SLC39A9: variants seen among roughly 807,000 people sequenced by gnomAD.
The protein encoded by SLC39A9 is solute carrier family 39 member 9, also known as zinc transporter ZIP9.
In SLC39A9, 14 loss-of-function variants were observed where a neutral mutation model predicts 28.4. That is an observed-to-expected ratio of 0.49 (90% confidence interval 0.33 to 0.77). The LOEUF is 0.77. SLC39A9 is among the 30% of genes least tolerant of loss of function. The pLI, the probability that SLC39A9 is intolerant of heterozygous loss-of-function variation, is 0.02. For missense variants in SLC39A9, 283 were observed against 381.1 expected, an observed-to-expected ratio of 0.74 and a Z score of 2.14; for synonymous variants, 119 against 149.6, an observed-to-expected ratio of 0.80 and a Z score of 1.49.
intron 1 of SLC39A9, among the ~76,000 whole-genome samples, chr14:69,413,990 A>G (rs1366500432): frequency 6.6e-6 from 1 of 152,030 alleles, no homozygotes; most frequent in East Asian, 1.9e-4. Context: ...AAAGATTAAT[A>G]AAAACCTTTA....
At chr14:69,422,364 G>A (rs1413001718) in intron 1 of SLC39A9, among the ~76,000 whole-genome samples, 3 of 152,076 alleles carry the variant, frequency 2.0e-5, no homozygotes, top group Non-Finnish European at 2.9e-5. Context: ...TGGGACAACA[G>A]GTACGTACTA....
intron 4 of SLC39A9, among the ~76,000 whole-genome samples, chr14:69,454,330 G>T (rs1444630116): frequency 1.3e-5 from 2 of 152,120 alleles, no homozygotes; most frequent in East Asian, 3.9e-4. Flanking sequence ...GAGTGCACTG[G>T]CACGATTCGG....
At chr14:69,441,848 G>A in intron 2 of SLC39A9, 1 of 1,300,114 alleles carries the variant, frequency 7.7e-7, no homozygotes, top group Non-Finnish European at 9.8e-7. Flanking sequence ...AGAATAATAG[G>A]CAGTCAGAAG....
chr14:69,459,402 C>G lies in SLC39A9; in HGVS notation c.*809C>G. 1.0e-6 allele frequency: 1 copy of G among 985,370 alleles called. No homozygotes were observed. Among genetic ancestry groups the G allele is most frequent in the Non-Finnish European group, 1.2e-6 (1 of 829,908 alleles). The allele number at this position is 985,370 out of a possible 1,614,324, so 61.0% of individuals were successfully genotyped here. A position where few individuals can be genotyped will look rare whatever the true frequency, so the allele number is the denominator to read the frequency against. On this transcript the variant is annotated 3_prime_UTR_variant, in exon 7 of 7. Coordinates refer to ENST00000336643, the MANE Select transcript of SLC39A9 (RefSeq NM_018375.5). ...GAGAGGAGCCAAGTTCTAGTAGTTT[C>G]AGTTCTAGGCTTTCCTTCAAGAACA...
intron 6 of SLC39A9, among the ~76,000 whole-genome samples, chr14:69,456,113 G>A (rs1028677787): frequency 3.3e-5 from 5 of 152,140 alleles, no homozygotes; most frequent in Admixed American, 1.3e-4. Context: ...AAATATGATA[G>A]CGCTTCAATA....
chr14:69,455,466 A>G (rs182107002), intron 5 of SLC39A9, among the ~76,000 whole-genome samples: 318 of 152,170 alleles, frequency 2.1e-3, no homozygotes, highest in African/African-American at 5.4e-3. Flanking sequence ...AGCTGGGATT[A>G]CAGGTGCCCA....
At chr14:69,456,413 C>T (rs750172985) in intron 6 of SLC39A9, among the ~76,000 whole-genome samples, 17 of 152,324 alleles carry the variant, frequency 1.1e-4, no homozygotes, top group South Asian at 6.2e-4. Context: ...ACACTGTTAG[C>T]AACTAAGATC....
chr14:69,400,726 G>T (rs763002041), intron 1 of SLC39A9, among the ~76,000 whole-genome samples: 5 of 152,178 alleles, frequency 3.3e-5, no homozygotes, highest in Non-Finnish European at 5.9e-5. Flanking sequence ...TCAGTTTGAG[G>T]AAAAGTAAAG....
intron 3 of SLC39A9, among the ~76,000 whole-genome samples, chr14:69,450,905 G>T (rs1885576134): frequency 6.6e-6 from 1 of 152,148 alleles, no homozygotes; most frequent in Non-Finnish European, 1.5e-5. Context: ...TGGCTTTCGT[G>T]TCTGATGACC....
rs1175305958 is a variant in SLC39A9, at chr14:69,453,223, T to G, written c.404-18T>G. The G allele has an allele frequency of 1.2e-6, 2 of 1,609,018 alleles. No individual in the cohort carries two copies. Among genetic ancestry groups the G allele is most frequent in the Non-Finnish European group, 1.7e-6 (2 of 1,175,654 alleles). On this transcript the variant is annotated intron_variant, in intron 3 of 6. Coordinates refer to ENST00000336643, the MANE Select transcript of SLC39A9 (RefSeq NM_018375.5). ...TGTCTCACATAGCTTAACGCTGTCT[T>G]TCTCATTTTCACTTTAGATCCAGAA... is the stretch of plus-strand genomic sequence containing the variant.
At chr14:69,437,385 T>C (rs1487408281) in intron 2 of SLC39A9, among the ~76,000 whole-genome samples, 6 of 152,132 alleles carry the variant, frequency 3.9e-5, no homozygotes, top group African/African-American at 1.4e-4. Context: ...TTTCTAGAAG[T>C]TTTTGCTGCC....
chr14:69,426,282 A>G (rs1363095127), intron 2 of SLC39A9, among the ~76,000 whole-genome samples: 2 of 152,072 alleles, frequency 1.3e-5, no homozygotes, highest in African/African-American at 4.8e-5. Flanking sequence ...CTTCTGACCA[A>G]CTGGCTTCAA....
chr14:69,419,676 C>T (rs541888869), intron 1 of SLC39A9, among the ~76,000 whole-genome samples: 116 of 152,184 alleles, frequency 7.6e-4, no homozygotes, highest in African/African-American at 2.5e-3. Flanking sequence ...TTTATGAATC[C>T]GGGTGCTCCT....
chr14:69,448,846 G>C (rs1885465486), intron 3 of SLC39A9, among the ~76,000 whole-genome samples: 1 of 152,184 alleles, frequency 6.6e-6, no homozygotes, highest in Non-Finnish European at 1.5e-5. Flanking sequence ...TGGGGATAAA[G>C]GGTTATTGAT....
At chr14:69,451,239 GTAA>G (rs1402365960) in intron 3 of SLC39A9, among the ~76,000 whole-genome samples, 1 of 152,142 alleles carries the variant, frequency 6.6e-6, no homozygotes, top group Non-Finnish European at 1.5e-5. Flanking sequence ...TTAATAAGAG[GTAA>G]TATCTTACTT....
intron 1 of SLC39A9, among the ~76,000 whole-genome samples, chr14:69,413,192 T>C (rs1285357009): frequency 1.3e-5 from 2 of 152,056 alleles, no homozygotes; most frequent in Admixed American, 1.3e-4. Context: ...CTGTCTCTAC[T>C]AAAAATACAA....
In SLC39A9 at chr14:69,460,106, T is replaced by C; in HGVS notation, c.*1513T>C. The C allele has an allele frequency of 3.1e-6, 3 of 979,192 alleles. No individual in the cohort carries two copies. Among genetic ancestry groups the C allele is most frequent in the Non-Finnish European group, 3.6e-6 (3 of 823,890 alleles). 60.7% of individuals were successfully genotyped at this position (979,192 alleles called of 1,614,324 possible). ...TGTCAAATAAGTGTATAATATTGTA[T>C]TATTAATTTATTTTTACTTTCTATA... is the stretch of plus-strand genomic sequence containing the variant. On this transcript the variant is annotated 3_prime_UTR_variant, in exon 7 of 7. Coordinates refer to ENST00000336643, the MANE Select transcript of SLC39A9 (RefSeq NM_018375.5).
chr14:69,455,704 A>G (rs772400246), intron 5 of SLC39A9, 28 bp from the exon 6 acceptor site: 10 of 1,613,860 alleles, frequency 6.2e-6, no homozygotes, highest in Admixed American at 1.7e-5. Flanking sequence ...TTCTAGAATG[A>G]TAATAAGAGA....
intron 3 of SLC39A9, among the ~76,000 whole-genome samples, chr14:69,451,627 G>A (rs1885615149): frequency 6.6e-6 from 1 of 152,196 alleles, no homozygotes; most frequent in Non-Finnish European, 1.5e-5. Flanking sequence ...CTGAGGTGGT[G>A]TATAGAGGAA....
Sources: allele counts gnomAD v4.1 joint callset (sites outside exome capture counted in the v4.1 genomes callset), GRCh38; gene constraint gnomAD v4.1.1; transcripts MANE v1.5; gene names NCBI Gene and HGNC (gene_info 2026-07-23, HGNC 2026-07-21).